PRLR: variants seen among roughly 807,000 people sequenced by gnomAD.
PRLR encodes prolactin receptor, also known as hPRL receptor.
Under a neutral mutation model 40.2 loss-of-function variants are expected in PRLR, and 13 were observed. The ratio of observed to expected loss-of-function variants is 0.32; its 90% CI spans 0.21 to 0.51. The LOEUF (loss-of-function observed/expected upper bound fraction) is 0.51, where lower values mean the gene tolerates loss of function less well. Ranked by LOEUF, PRLR falls within the 20% of genes least tolerant of loss-of-function variation. PRLR has a pLI of 0.97. For synonymous variants in PRLR, 269 were observed against 278.7 expected, an observed-to-expected ratio of 0.97 and a Z score of 0.35; for missense variants, 656 against 747.3, an observed-to-expected ratio of 0.88 and a Z score of 1.42.
chr5:35,215,991 T>C (rs1038265742), intron 1 of PRLR, among the ~76,000 whole-genome samples: 2 of 151,528 alleles, frequency 1.3e-5, no homozygotes, highest in African/African-American at 2.4e-5. Flanking sequence ...TGAGCCGAGA[T>C]TGCGCCACTG....
intron 1 of PRLR, among the ~76,000 whole-genome samples, chr5:35,203,689 C>T (rs549826838): frequency 8.9e-4 from 135 of 152,152 alleles, no homozygotes; most frequent in Non-Finnish European, 1.7e-3. Context: ...TGTCAAACAT[C>T]CATTACAAAG....
At chr5:35,189,077 G>C (rs992730620) in intron 1 of PRLR, among the ~76,000 whole-genome samples, 8 of 152,078 alleles carry the variant, frequency 5.3e-5, no homozygotes, top group African/African-American at 1.9e-4. Context: ...GGGGAAATTT[G>C]GACACAGATA....
chr5:35,113,313 G>GCATC (rs1214807730), intron 2 of PRLR, among the ~76,000 whole-genome samples: 5 of 63,272 alleles, frequency 7.9e-5, no homozygotes, highest in Non-Finnish European at 1.6e-4. Context: ...ACCCATCTAT[G>GCATC]CATCCATCCA....
intron 1 of PRLR, among the ~76,000 whole-genome samples, chr5:35,142,718 A>G (rs1321838594): frequency 1.3e-5 from 2 of 152,258 alleles, no homozygotes; most frequent in Admixed American, 1.3e-4. Context: ...TTTGCAAATT[A>G]GGAACAGATA....
At chr5:35,165,432 T>A (rs1481104517) in intron 1 of PRLR, among the ~76,000 whole-genome samples, 1 of 152,218 alleles carries the variant, frequency 6.6e-6, no homozygotes, top group Non-Finnish European at 1.5e-5. Flanking sequence ...ATTCAAAAAT[T>A]GCTACTGAAT....
chr5:35,121,793 G>A (rs141174881), intron 1 of PRLR, among the ~76,000 whole-genome samples: 90 of 152,252 alleles, frequency 5.9e-4, no homozygotes, highest in African/African-American at 2.1e-3. Flanking sequence ...AACTTGAACC[G>A]AGATCTCTTT....
At chr5:35,221,990 C>T (rs150898034) in intron 1 of PRLR, among the ~76,000 whole-genome samples, 1 of 152,284 alleles carries the variant, frequency 6.6e-6, no homozygotes, top group East Asian at 1.9e-4. Context: ...AAGCTCCCAA[C>T]ACATATAAAG....
chr5:35,167,133 T>C (rs1246748359), intron 1 of PRLR, among the ~76,000 whole-genome samples: 1 of 139,492 alleles, frequency 7.2e-6, no homozygotes. Context: ...AATCTGTTTG[T>C]CTATCATCTA....
At chr5:35,200,534 A>G (rs1427581843) in intron 1 of PRLR, among the ~76,000 whole-genome samples, 3 of 152,238 alleles carry the variant, frequency 2.0e-5, no homozygotes, top group Non-Finnish European at 2.9e-5. Flanking sequence ...GCAACGAAAT[A>G]GAGATACTTT....
chr5:35,219,866 C>T (rs964587094), intron 1 of PRLR, among the ~76,000 whole-genome samples: 1 of 152,170 alleles, frequency 6.6e-6, no homozygotes, highest in African/African-American at 2.4e-5. Context: ...TAGTTCAAAA[C>T]AAGGGGTCTA....
Position 35,119,117 on chromosome 5 carries a change from C to T in PRLR, c.-105-995G>A, listed in dbSNP as rs944032466. 4.6e-5 allele frequency among the ~76,000 whole-genome samples: 7 copies of T among 152,186 alleles called. No homozygotes were observed. The East Asian group carries it at 1.2e-3, about 25-fold the overall frequency. On this transcript the variant is annotated intron_variant, in intron 1 of 9. Coordinates refer to ENST00000618457, the MANE Select transcript of PRLR (RefSeq NM_000949.7). ...ACCTACAGCTACTTTTTAAAATGGG[C>T]TTCGATATATATGAACAGCAATTCA... is the stretch of plus-strand genomic sequence containing the variant.
chr5:35,145,145 G>A (rs1218753520), intron 1 of PRLR, among the ~76,000 whole-genome samples: 2 of 152,136 alleles, frequency 1.3e-5, no homozygotes, highest in East Asian at 3.9e-4. Context: ...AGCAGGCACT[G>A]AAAATTGATT....
At chr5:35,083,695 T>C (rs1357835334) in intron 5 of PRLR, among the ~76,000 whole-genome samples, 4 of 151,734 alleles carry the variant, frequency 2.6e-5, no homozygotes, top group Admixed American at 1.3e-4. Flanking sequence ...AATTTTTGTA[T>C]TTTTAGTAGA....
intron 1 of PRLR, among the ~76,000 whole-genome samples, chr5:35,149,146 C>T (rs1207848365): frequency 6.6e-6 from 1 of 152,030 alleles, no homozygotes; most frequent in Non-Finnish European, 1.5e-5. Flanking sequence ...TGTCGAGTTG[C>T]TTAGTAACTA....
At chr5:35,215,054 C>G (rs1449202224) in intron 1 of PRLR, among the ~76,000 whole-genome samples, 1 of 152,088 alleles carries the variant, frequency 6.6e-6, no homozygotes, top group South Asian at 2.1e-4. Context: ...AGGAGCCTAA[C>G]AATCTATCAA....
In PRLR at chr5:35,107,873, A is replaced by G. The variant is rs556275761; in HGVS notation, c.-44+10188T>C. On this transcript the variant is annotated intron_variant, in intron 2 of 9. Coordinates refer to ENST00000618457, the MANE Select transcript of PRLR (RefSeq NM_000949.7). The stretch of plus-strand genomic sequence containing the variant: ...GAGGGAATCCTCCCTAACTCATTTC[A>G]TGAGGCCAGCATCATCCTGATACCA... 1.1e-4 allele frequency among the ~76,000 whole-genome samples: 16 copies of G among 152,352 alleles called. No homozygotes were observed. In the East Asian group the frequency reaches 2.9e-3, roughly 28 times the overall value.
At chr5:35,191,759 T>A in intron 1 of PRLR, among the ~76,000 whole-genome samples, 1 of 152,162 alleles carries the variant, frequency 6.6e-6, no homozygotes, top group East Asian at 1.9e-4. Flanking sequence ...GTATCTTTCA[T>A]ATAGAAAGGT....
intron 1 of PRLR, among the ~76,000 whole-genome samples, chr5:35,170,193 G>A (rs1286103170): frequency 6.6e-6 from 1 of 152,172 alleles, no homozygotes; most frequent in Non-Finnish European, 1.5e-5. Flanking sequence ...TGCAATATAA[G>A]CAGCCGTGTG....
At chr5:35,055,469 T>C (rs1401329139), downstream of PRLR, among the ~76,000 whole-genome samples, 1 of 152,138 alleles carries the variant, frequency 6.6e-6, no homozygotes, top group Non-Finnish European at 1.5e-5. Flanking sequence ...TGTTCAAAGA[T>C]GAGCACAAAA....
Sources: allele counts gnomAD v4.1 joint callset (sites outside exome capture counted in the v4.1 genomes callset), GRCh38; gene constraint gnomAD v4.1.1; transcripts MANE v1.5; gene names NCBI Gene and HGNC (gene_info 2026-07-23, HGNC 2026-07-21).